The following CUX1 variants were observed in gnomAD, a reference collection of about 807,000 sequenced individuals.
CUX1 encodes protein CASP.
A neutral mutation model predicts 158.8 loss-of-function variants in CUX1; 31 were observed. The ratio of observed to expected loss-of-function variants is 0.20; its 90% CI spans 0.15 to 0.26. The LOEUF (loss-of-function observed/expected upper bound fraction) is 0.26, where lower values mean the gene tolerates loss of function less well. CUX1 is among the 10% of genes least tolerant of loss of function. The pLI, the probability that CUX1 is intolerant of heterozygous loss-of-function variation, is 1.00. For missense variants in CUX1, 1,589 were observed against 2,014.6 expected (o/e 0.79, Z 4.04); for synonymous variants, 879 against 862.1 (o/e 1.02, Z -0.34).
intron 21 of CUX1, among the ~76,000 whole-genome samples, chr7:102,232,154 T>TTTTTTC (rs1248771486): frequency 2.0e-5 from 3 of 152,148 alleles, no homozygotes; most frequent in South Asian, 2.1e-4. Context: ...TTTTGTTTTG[T>TTTTTTC]TTTTTCTTTT....
intron 3 of CUX1, among the ~76,000 whole-genome samples, chr7:102,050,684 T>TTTATTATTA (rs149429897): frequency 0.014 from 2,020 of 147,534 alleles, 41 homozygotes; most frequent in African/African-American, 0.045. Flanking sequence ...GTGAATTCTT[T>TTTATTATTA]TTATTATTAT....
chr7:102,246,120 A>C (rs1223164922), intron 23 of CUX1, among the ~76,000 whole-genome samples: 1 of 152,094 alleles, frequency 6.6e-6, no homozygotes, highest in East Asian at 1.9e-4. Context: ...AAAAGCCTGT[A>C]CTCTGGTTTT....
chr7:101,882,882 C>T (rs1799858291), intron 1 of CUX1, among the ~76,000 whole-genome samples: 1 of 152,216 alleles, frequency 6.6e-6, no homozygotes, highest in Non-Finnish European at 1.5e-5. Context: ...CCCTGTCTCG[C>T]CCAGCCTTGG....
At chr7:102,095,434 C>T (rs1355050727) in intron 4 of CUX1, among the ~76,000 whole-genome samples, 1 of 152,046 alleles carries the variant, frequency 6.6e-6, no homozygotes, top group Non-Finnish European at 1.5e-5. Flanking sequence ...GAGTAAGTGC[C>T]CAGCAGCCAG....
At chr7:101,911,710 C>T (rs1044124125) in intron 1 of CUX1, among the ~76,000 whole-genome samples, 5 of 152,212 alleles carry the variant, frequency 3.3e-5, no homozygotes, top group African/African-American at 1.2e-4. Flanking sequence ...GTTGGTGACA[C>T]CCACTTGCTG....
chr7:101,940,377 A>T (rs565439819), intron 2 of CUX1, among the ~76,000 whole-genome samples: 11 of 151,906 alleles, frequency 7.2e-5, no homozygotes, highest in African/African-American at 2.7e-4. Flanking sequence ...GAAGTCCCTG[A>T]CCCCCGCTGG....
At chr7:102,171,933 C>A (rs1791759270) in intron 10 of CUX1, among the ~76,000 whole-genome samples, 1 of 152,192 alleles carries the variant, frequency 6.6e-6, no homozygotes, top group Non-Finnish European at 1.5e-5. Flanking sequence ...CAAGCCCTTG[C>A]CGTATGCTAG....
intron 3 of CUX1, among the ~76,000 whole-genome samples, chr7:102,062,541 C>T (rs1825009753): frequency 6.6e-6 from 1 of 152,172 alleles, no homozygotes; most frequent in African/African-American, 2.4e-5. Context: ...GAGACAGGGT[C>T]TCACTGTCAC....
At chr7:102,062,457 T>G (rs1340887789) in intron 3 of CUX1, among the ~76,000 whole-genome samples, 1 of 152,204 alleles carries the variant, frequency 6.6e-6, no homozygotes, top group Non-Finnish European at 1.5e-5. Context: ...TTTTATACTA[T>G]CATAAGCGGA....
In CUX1 at chr7:102,201,025, T is replaced by TAAAAAAAAAAAA. The variant is rs78359248; in HGVS notation, c.2063-317_2063-306dup. On this transcript the variant is annotated intron_variant, in intron 17 of 23. Coordinates refer to ENST00000292535, the MANE Select transcript of CUX1 (RefSeq NM_181552.4). This position sits in a 1 kb window ranked among gnomAD's most constrained non-coding sequence, Gnocchi z 5.0. ...CTGGACAACAGCGAGATCCTGTCGC[T>TAAAAAAAAAAAA]AAAAAAAAAAAAAAAAAAAAAAAAA... is the stretch of plus-strand genomic sequence containing the variant. 2.4e-5 allele frequency among the ~76,000 whole-genome samples: 1 copy of TAAAAAAAAAAAA among 42,144 alleles called. No individual in the cohort carries two copies. The highest frequency in any genetic ancestry group is 1.0e-4 in the African/African-American group (1 of 9,692). 27.6% of individuals were successfully genotyped at this position (42,144 alleles called of 152,430 possible).
chr7:101,958,370 TGCAGCA>T (rs10564479), intron 2 of CUX1, among the ~76,000 whole-genome samples: 190 of 151,026 alleles, frequency 1.3e-3, no homozygotes, highest in African/African-American at 4.4e-3. Flanking sequence ...GGCCTGAAGC[TGCAGCA>T]GCAGCAGCAG....
intron 3 of CUX1, among the ~76,000 whole-genome samples, chr7:102,030,745 G>C (rs1305262020): frequency 8.3e-6 from 1 of 121,064 alleles, no homozygotes; most frequent in African/African-American, 3.0e-5. Flanking sequence ...CAGTGCAGTG[G>C]TGCCATCATG....
Position 102,275,245 on chromosome 7 carries a change from A to T in CUX1, c.1451-2A>T. 1 of 1,603,884 alleles carries T rather than the reference A, an allele frequency of 6.2e-7. No individual in the cohort carries two copies. Among genetic ancestry groups the T allele is most frequent in the Non-Finnish European group, 8.5e-7 (1 of 1,174,916 alleles). On this transcript the variant is annotated splice_acceptor_variant, in intron 16 of 22. Coordinates refer to the CUX1 transcript ENST00000292538. LOFTEE classifies it high-confidence loss of function. ...CCCAAGCCACCCTCCTCTACCTGCT[A>T]GGACCTGCAGCACCAGCCAGCGGTG...
At position 102,112,284 on chromosome 7, in the gene CUX1, C is replaced by G. The variant is rs374597381; in HGVS notation, c.607+510C>G. Among the ~76,000 whole-genome samples the G allele has an allele frequency of 6.6e-4, 99 of 149,644 alleles. 2 individuals carry two copies. The East Asian group carries it at 0.018, about 28-fold the overall frequency. ...TGAGACGGAGTCTCGCTCTGTCACC[C>G]AGGCTGGAGTGCAGTGGCACGATCT... On this transcript the variant is annotated intron_variant, in intron 7 of 23. Coordinates refer to ENST00000292535, the MANE Select transcript of CUX1 (RefSeq NM_181552.4).
intron 8 of CUX1, among the ~76,000 whole-genome samples, chr7:102,117,365 C>T: frequency 6.9e-6 from 1 of 145,204 alleles, no homozygotes. Flanking sequence ...ACCACTGCAC[C>T]CCAGCCTGGG....
chr7:101,860,896 T>C (rs1208820835), intron 1 of CUX1, among the ~76,000 whole-genome samples: 2 of 152,040 alleles, frequency 1.3e-5, no homozygotes, highest in Non-Finnish European at 2.9e-5. Context: ...AGCCTTGACC[T>C]GGTAGTCTCA....
intron 20 of CUX1, 152 bp downstream of exon 20, chr7:102,205,322 C>G (rs1362285449): frequency 1.6e-6 from 1 of 638,580 alleles, no homozygotes; most frequent in Admixed American, 2.5e-5. Context: ...AACGGGGTCC[C>G]TCTCTGTGTC....
rs1791605918 is a variant in CUX1, at chr7:102,276,353, G to A, written c.1563+994G>A. On this transcript the variant is annotated intron_variant, in intron 17 of 22. Coordinates refer to the CUX1 transcript ENST00000292538. ...GTCCCGCTCTCTTGCCCAGGCTGGA[G>A]TGCAGTGGCACAATCCTGGCTCACT... is the stretch of plus-strand genomic sequence containing the variant. Among the ~76,000 whole-genome samples, 4 of 152,326 alleles carry A rather than the reference G, an allele frequency of 2.6e-5. 1 individual carries two copies. The South Asian group carries it at 8.3e-4, about 32-fold the overall frequency.
At chr7:102,209,718 C>T (rs1038550630) in intron 20 of CUX1, among the ~76,000 whole-genome samples, 2 of 152,078 alleles carry the variant, frequency 1.3e-5, no homozygotes, top group East Asian at 1.9e-4. Context: ...TTCTGCAAGC[C>T]CCTTTTGTCT....
Sources: allele counts gnomAD v4.1 joint callset (sites outside exome capture counted in the v4.1 genomes callset), GRCh38; gene constraint gnomAD v4.1.1; non-coding constraint Gnocchi (gnomAD v3.1); transcripts MANE v1.5; gene names NCBI Gene and HGNC (gene_info 2026-07-23, HGNC 2026-07-21).